TPD52L1: variants seen among roughly 807,000 people sequenced by gnomAD.
TPD52L1 encodes TPD52 like 1, also known as tumor protein D53.
Under a neutral mutation model 28.7 loss-of-function variants are expected in TPD52L1, and 18 were observed. That is an observed-to-expected ratio of 0.63 (90% confidence interval 0.43 to 0.93). The LOEUF is 0.93. TPD52L1 is among the 40% of genes least tolerant of loss of function. The pLI, the probability that TPD52L1 is intolerant of heterozygous loss-of-function variation, is 0.00. For synonymous variants in TPD52L1, 75 were observed against 88.8 expected (o/e 0.84, Z 0.88); for missense variants, 203 against 254.8 (o/e 0.80, Z 1.39).
At chr6:125,187,297 A>G (rs506824) in intron 1 of TPD52L1, among the ~76,000 whole-genome samples, 58,224 of 152,038 alleles carry the variant, frequency 0.38, 11,312 homozygotes, top group Admixed American at 0.52. Context: ...CCAATTGCTG[A>G]CAAGGATAGA....
At chr6:125,183,862 G>T (rs367736788) in intron 1 of TPD52L1, among the ~76,000 whole-genome samples, 8 of 152,092 alleles carry the variant, frequency 5.3e-5, no homozygotes, top group Admixed American at 2.6e-4. Flanking sequence ...GAATGTATAC[G>T]ATATGAGCTA....
chr6:125,158,931 A>C (rs1055154789), intron 1 of TPD52L1, among the ~76,000 whole-genome samples: 2 of 152,260 alleles, frequency 1.3e-5, no homozygotes, highest in Non-Finnish European at 2.9e-5. Flanking sequence ...GAAAAGGTAC[A>C]TACCTTTATG....
At position 125,191,030 on chromosome 6, in the gene TPD52L1, C is replaced by G. The variant is rs547128040; in HGVS notation, c.20-29048C>G. On this transcript the variant is annotated intron_variant, in intron 1 of 6. Coordinates refer to ENST00000534000, the MANE Select transcript of TPD52L1 (RefSeq NM_003287.4). ...ACCATCTACTCTTGTTGTCTTGACT[C>G]TACATATTAACTATAGTGATTTGTA... Among the ~76,000 whole-genome samples, 19 of 152,308 alleles carry G rather than the reference C, an allele frequency of 1.2e-4. No homozygotes were observed. In the South Asian group the frequency reaches 3.7e-3, roughly 30 times the overall value.
intron 4 of TPD52L1, among the ~76,000 whole-genome samples, chr6:125,250,119 T>C (rs75625048): frequency 2.4e-4 from 36 of 152,286 alleles, no homozygotes; most frequent in African/African-American, 8.2e-4. Context: ...GAAAACATAT[T>C]TTCCCATGTT....
intron 1 of TPD52L1, among the ~76,000 whole-genome samples, chr6:125,185,412 T>C (rs536843325): frequency 6.6e-6 from 1 of 152,104 alleles, no homozygotes; most frequent in South Asian, 2.1e-4. Context: ...GCTTGAAAAA[T>C]TCAAAAGAGC....
chr6:125,194,541 C>T (rs1468469544), intron 1 of TPD52L1, among the ~76,000 whole-genome samples: 3 of 152,140 alleles, frequency 2.0e-5, no homozygotes, highest in Non-Finnish European at 4.4e-5. Context: ...CCTTAGGTTC[C>T]CCTGGAACCC....
chr6:125,225,032 G>A (rs754379467), intron 2 of TPD52L1, among the ~76,000 whole-genome samples: 5 of 152,104 alleles, frequency 3.3e-5, no homozygotes, highest in Admixed American at 1.3e-4. Context: ...TCTGGCAGCC[G>A]CCAGTCTTCA....
chr6:125,196,287 T>C (rs965140879), intron 1 of TPD52L1, among the ~76,000 whole-genome samples: 1 of 152,216 alleles, frequency 6.6e-6, no homozygotes, highest in African/African-American at 2.4e-5. Context: ...TCCTTAAGCC[T>C]TGTGACTGCC....
At chr6:125,215,248 T>C (rs192650265) in intron 1 of TPD52L1, among the ~76,000 whole-genome samples, 23 of 152,344 alleles carry the variant, frequency 1.5e-4, no homozygotes, top group Non-Finnish European at 1.5e-5. Flanking sequence ...TTTTCATTCC[T>C]GGTTTTGACT....
At chr6:125,177,473 C>A (rs1182132610) in intron 1 of TPD52L1, among the ~76,000 whole-genome samples, 1 of 152,178 alleles carries the variant, frequency 6.6e-6, no homozygotes, top group Admixed American at 6.5e-5. Flanking sequence ...CTAATACAAT[C>A]TCCACATTTT....
At chr6:125,181,801 T>A (rs149834922) in intron 1 of TPD52L1, among the ~76,000 whole-genome samples, 87 of 152,330 alleles carry the variant, frequency 5.7e-4, no homozygotes, top group African/African-American at 2.0e-3. Context: ...ACATATTGTC[T>A]TCTCCCAGAT....
At chr6:125,236,289 A>T (rs889567435) in intron 3 of TPD52L1, among the ~76,000 whole-genome samples, 4 of 152,188 alleles carry the variant, frequency 2.6e-5, no homozygotes, top group African/African-American at 9.7e-5. Flanking sequence ...ATAGAAATAG[A>T]CTTGCATTTT....
intron 3 of TPD52L1, among the ~76,000 whole-genome samples, chr6:125,245,062 C>G (rs1169359320): frequency 6.6e-6 from 1 of 152,208 alleles, no homozygotes; most frequent in African/African-American, 2.4e-5. Flanking sequence ...GCAAAAAGTC[C>G]TGTGATATGA....
intron 1 of TPD52L1, among the ~76,000 whole-genome samples, chr6:125,186,117 C>T (rs1428826689): frequency 6.6e-6 from 1 of 152,072 alleles, no homozygotes; most frequent in African/African-American, 2.4e-5. Context: ...TGGTCTCGAA[C>T]TCCTGATCCA....
At chr6:125,179,354 A>G (rs1056005848) in intron 1 of TPD52L1, among the ~76,000 whole-genome samples, 5 of 152,252 alleles carry the variant, frequency 3.3e-5, no homozygotes, top group African/African-American at 1.2e-4. Context: ...AGTGCAGCTC[A>G]ATGACATAGG....
chr6:125,154,005 C>T, intron 1 of TPD52L1, 35 bp downstream of exon 1: 1 of 1,593,152 alleles, frequency 6.3e-7, no homozygotes, highest in Non-Finnish European at 8.5e-7. Context: ...GAGTCAGGTC[C>T]TGGGGCGCGC....
intron 1 of TPD52L1, among the ~76,000 whole-genome samples, chr6:125,212,137 C>T (rs1000503518): frequency 1.6e-4 from 24 of 152,024 alleles, no homozygotes; most frequent in Non-Finnish European, 4.4e-5. Flanking sequence ...TACCAAACAT[C>T]ATGAAGAAAA....
At chr6:125,169,685 C>T (rs1335289339) in intron 1 of TPD52L1, among the ~76,000 whole-genome samples, 1 of 152,186 alleles carries the variant, frequency 6.6e-6, no homozygotes, top group East Asian at 1.9e-4. Flanking sequence ...CCTTCCTTAT[C>T]TCCCATGCGC....
At chr6:125,199,251 T>C (rs113241074) in intron 1 of TPD52L1, among the ~76,000 whole-genome samples, 16 of 152,368 alleles carry the variant, frequency 1.1e-4, no homozygotes, top group African/African-American at 3.6e-4. Flanking sequence ...TTTTAATTTT[T>C]ACCAGTAATG....
Sources: gnomAD v4.1 joint callset for allele counts (sites outside exome capture counted in the v4.1 genomes callset) on GRCh38, gnomAD v4.1.1 for gene constraint, MANE v1.5 for transcripts, NCBI Gene and HGNC (gene_info 2026-07-23, HGNC 2026-07-21) for gene names.